The following EDN1 variants were observed in gnomAD, a reference collection of about 807,000 sequenced individuals.
EDN1 encodes endothelin-1.
Under a neutral mutation model 21.7 loss-of-function variants are expected in EDN1, and 11 were observed. The ratio of observed to expected loss-of-function variants is 0.51; its 90% confidence interval spans 0.32 to 0.84. The LOEUF (loss-of-function observed/expected upper bound fraction) is 0.84, where lower values mean the gene tolerates loss of function less well. Ranked by LOEUF, EDN1 falls within the 40% of genes least tolerant of loss-of-function variation. The pLI is 0.03. For missense variants in EDN1, 244 were observed against 262.3 expected (o/e 0.93, Z 0.48); for synonymous variants, 85 against 90.6 (o/e 0.94, Z 0.35).
In EDN1 at chr6:12,296,167, C is replaced by G; in HGVS notation, c.*100C>G. On this transcript the variant is annotated 3_prime_UTR_variant, in exon 5 of 5. Coordinates refer to ENST00000379375, the MANE Select transcript of EDN1 (RefSeq NM_001955.5). The stretch of plus-strand genomic sequence containing the variant: ...GCTGGGATCAGAGCAGGAGCATCCT[C>G]TGCTGGTTCCTGACTGGCAAAGGAC... The G allele has an allele frequency of 1.9e-6, 2 of 1,047,848 alleles. No homozygotes were observed. Among genetic ancestry groups the G allele is most frequent in the Non-Finnish European group, 3.0e-6 (2 of 669,442 alleles). 64.9% of individuals were successfully genotyped at this position (1,047,848 alleles called of 1,614,324 possible). A position where few individuals can be genotyped will look rare whatever the true frequency, so the allele number is the denominator to read the frequency against.
chr6:12,282,484 A>G, the EDN1 span, among the ~76,000 whole-genome samples: 1 of 152,174 alleles, frequency 6.6e-6, no homozygotes, highest in Non-Finnish European at 1.5e-5. Flanking sequence ...AGCAGCTTTG[A>G]GATTGTCTAA....
chr6:12,275,829 G>GT, the EDN1 span, among the ~76,000 whole-genome samples: 1 of 149,746 alleles, frequency 6.7e-6, no homozygotes, highest in East Asian at 2.0e-4. Flanking sequence ...GTGTGTGTGT[G>GT]GATGCATGCA....
chr6:12,246,174 T>C, the EDN1 span, among the ~76,000 whole-genome samples: 5 of 152,184 alleles, frequency 3.3e-5, no homozygotes, highest in Non-Finnish European at 5.9e-5. Flanking sequence ...GCCCTTTAGA[T>C]TGTAGCACAC....
chr6:12,233,878 A>G, the EDN1 span, among the ~76,000 whole-genome samples: 4 of 152,246 alleles, frequency 2.6e-5, no homozygotes, highest in Admixed American at 2.6e-4. Flanking sequence ...CCTGAGTAAT[A>G]CAGAAATTGG....
the EDN1 span, among the ~76,000 whole-genome samples, chr6:12,258,340 T>C: frequency 6.8e-6 from 1 of 147,466 alleles, no homozygotes; most frequent in African/African-American, 2.5e-5. Context: ...TCCCAGCTAC[T>C]CAGGAGACTG....
chr6:12,266,361 GTT>G, the EDN1 span, among the ~76,000 whole-genome samples: 1 of 152,160 alleles, frequency 6.6e-6, no homozygotes, highest in Non-Finnish European at 1.5e-5. Context: ...GGCAAAAAGA[GTT>G]TGAGATAACA....
the EDN1 span, among the ~76,000 whole-genome samples, chr6:12,272,579 TCC>T: frequency 6.7e-6 from 1 of 149,606 alleles, no homozygotes; most frequent in African/African-American, 2.5e-5. Flanking sequence ...TACCTCAGCC[TCC>T]GGAGTAGCTG....
At chr6:12,236,953 C>T in the EDN1 span, among the ~76,000 whole-genome samples, 1 of 151,676 alleles carries the variant, frequency 6.6e-6, no homozygotes, top group African/African-American at 2.4e-5. Flanking sequence ...TTAGGTATTT[C>T]TCCTAATGCT....
the EDN1 span, among the ~76,000 whole-genome samples, chr6:12,283,992 C>T: frequency 1.3e-5 from 2 of 152,314 alleles, no homozygotes; most frequent in Non-Finnish European, 2.9e-5. Context: ...CCTCAGCTTC[C>T]TCACCCCAAT....
chr6:12,268,500 GAGAT>G, the EDN1 span, among the ~76,000 whole-genome samples: 1 of 152,080 alleles, frequency 6.6e-6, no homozygotes, highest in Non-Finnish European at 1.5e-5. Flanking sequence ...GTAATGATGA[GAGAT>G]AGAGGTCTAG....
chr6:12,256,974 A>G, the EDN1 span, among the ~76,000 whole-genome samples: 1 of 152,228 alleles, frequency 6.6e-6, no homozygotes, highest in African/African-American at 2.4e-5. Context: ...AATTTTCATG[A>G]GGAGGTAAAA....
the EDN1 span, among the ~76,000 whole-genome samples, chr6:12,243,593 G>C: frequency 6.6e-6 from 1 of 152,060 alleles, no homozygotes; most frequent in African/African-American, 2.4e-5. Flanking sequence ...TGGCTCAGAG[G>C]GGACAAAACA....
chr6:12,272,435 AATT>A, the EDN1 span, among the ~76,000 whole-genome samples: 1 of 151,202 alleles, frequency 6.6e-6, no homozygotes, highest in Non-Finnish European at 1.5e-5. Flanking sequence ...TTTACATAAT[AATT>A]ATTGAGTCAT....
chr6:12,237,907 C>T, the EDN1 span, among the ~76,000 whole-genome samples: 1 of 152,142 alleles, frequency 6.6e-6, no homozygotes, highest in African/African-American at 2.4e-5. Context: ...CGGTGGCTCA[C>T]GCCTGTAATC....
At chr6:12,244,871 T>C in the EDN1 span, among the ~76,000 whole-genome samples, 1 of 152,218 alleles carries the variant, frequency 6.6e-6, no homozygotes, top group Non-Finnish European at 1.5e-5. Flanking sequence ...ATTACAAGAC[T>C]CATTGACCCC....
the EDN1 span, among the ~76,000 whole-genome samples, chr6:12,242,757 C>T: frequency 2.0e-5 from 3 of 151,988 alleles, no homozygotes; most frequent in African/African-American, 7.3e-5. Context: ...GCTTTGACTA[C>T]ACTGACCTTT....
chr6:12,286,068 A>T (rs1385355596), upstream of EDN1, among the ~76,000 whole-genome samples: 3 of 152,244 alleles, frequency 2.0e-5, no homozygotes, highest in African/African-American at 7.2e-5. Flanking sequence ...AAAAGAAACA[A>T]GTCAGTTAAA....
At chr6:12,250,084 A>G in the EDN1 span, among the ~76,000 whole-genome samples, 1 of 152,030 alleles carries the variant, frequency 6.6e-6, no homozygotes, top group Non-Finnish European at 1.5e-5. Flanking sequence ...AAGATTCAAG[A>G]GCATTTTTGA....
chr6:12,233,305 A>G, the EDN1 span, among the ~76,000 whole-genome samples: 1 of 152,190 alleles, frequency 6.6e-6, no homozygotes, highest in Non-Finnish European at 1.5e-5. Flanking sequence ...TAAAGCCTAA[A>G]TGTTCATGGA....
Sources: gnomAD v4.1 joint callset for allele counts (sites outside exome capture counted in the v4.1 genomes callset) on GRCh38, gnomAD v4.1.1 for gene constraint, MANE v1.5 for transcripts, NCBI Gene and HGNC (gene_info 2026-07-23, HGNC 2026-07-21) for gene names.